STOX2: variants seen among roughly 807,000 people sequenced by gnomAD.
STOX2 encodes the protein storkhead-box protein 2.
A neutral mutation model predicts 60.9 loss-of-function variants in STOX2; 28 were observed. That is an observed-to-expected ratio of 0.46 (90% confidence interval 0.34 to 0.63). The LOEUF (loss-of-function observed/expected upper bound fraction) is 0.63, where lower values mean the gene tolerates loss of function less well. STOX2 is among the 30% of genes least tolerant of loss of function. STOX2 has a pLI of 0.01. For synonymous variants in STOX2, 472 were observed against 463.9 expected, an observed-to-expected ratio of 1.02 and a Z score of -0.22; for missense variants, 1,024 against 1,187.7, an observed-to-expected ratio of 0.86 and a Z score of 2.03.
At chr4:183,886,872 C>T (rs1390094229) in intron 1 of STOX2, among the ~76,000 whole-genome samples, 1 of 152,190 alleles carries the variant, frequency 6.6e-6, no homozygotes, top group Non-Finnish European at 1.5e-5. Flanking sequence ...ACCTTCTACA[C>T]ACGAAGAATA....
chr4:183,996,466 G>A (rs780471024), intron 1 of STOX2, among the ~76,000 whole-genome samples: 3 of 152,120 alleles, frequency 2.0e-5, no homozygotes, highest in Non-Finnish European at 4.4e-5. Flanking sequence ...GTAGATTATC[G>A]TGACCAACAA....
chr4:183,799,395 C>G (rs1379746492), intron 1 of STOX2, among the ~76,000 whole-genome samples: 3 of 152,148 alleles, frequency 2.0e-5, no homozygotes, highest in African/African-American at 4.8e-5. Flanking sequence ...GCTTTTGCCC[C>G]GTAGGACTGT....
intron 1 of STOX2, among the ~76,000 whole-genome samples, chr4:183,914,502 A>G (rs1741874072): frequency 6.6e-6 from 1 of 152,248 alleles, no homozygotes; most frequent in African/African-American, 2.4e-5. Context: ...GGAAGAATGC[A>G]GTAAATGACC....
intron 1 of STOX2, among the ~76,000 whole-genome samples, chr4:183,893,672 T>C (rs2053168): frequency 0.29 from 44,396 of 152,056 alleles, 7,686 homozygotes; most frequent in African/African-American, 0.46. Context: ...CACTATTATT[T>C]TACATATAAA....
At chr4:183,934,866 T>C (rs1379181915) in intron 1 of STOX2, among the ~76,000 whole-genome samples, 1 of 152,234 alleles carries the variant, frequency 6.6e-6, no homozygotes, top group Non-Finnish European at 1.5e-5. Context: ...CACCAGAAAA[T>C]GCAGGAAGCT....
At chr4:183,843,438 G>C (rs1190814877) in intron 1 of STOX2, among the ~76,000 whole-genome samples, 1 of 152,184 alleles carries the variant, frequency 6.6e-6, no homozygotes, top group Non-Finnish European at 1.5e-5. Flanking sequence ...AATGTAGACA[G>C]AAACATTGTG....
intron 1 of STOX2, among the ~76,000 whole-genome samples, chr4:183,807,379 G>A (rs199790949): frequency 2.1e-4 from 20 of 93,740 alleles, no homozygotes; most frequent in Admixed American, 5.6e-4. Context: ...GCAGTCCCCA[G>A]GCCCTTCTGG....
At chr4:183,879,469 C>T (rs1740905543) in intron 1 of STOX2, among the ~76,000 whole-genome samples, 2 of 152,200 alleles carry the variant, frequency 1.3e-5, no homozygotes, top group Admixed American at 6.5e-5. Flanking sequence ...GTTCACAATG[C>T]GGCTGGGCGC....
chr4:183,929,092 A>G (rs1009547904), intron 1 of STOX2, among the ~76,000 whole-genome samples: 1 of 152,244 alleles, frequency 6.6e-6, no homozygotes, highest in Non-Finnish European at 1.5e-5. Flanking sequence ...ATCTTTAAAG[A>G]TACAAGGCAG....
At chr4:183,986,366 G>C (rs1021591697) in intron 1 of STOX2, among the ~76,000 whole-genome samples, 3 of 152,236 alleles carry the variant, frequency 2.0e-5, no homozygotes, top group African/African-American at 7.2e-5. Flanking sequence ...GATAGTCCAG[G>C]ACAGGGAGGA....
At chr4:183,975,010 G>A (rs1234780293) in intron 1 of STOX2, among the ~76,000 whole-genome samples, 1 of 152,040 alleles carries the variant, frequency 6.6e-6, no homozygotes, top group Non-Finnish European at 1.5e-5. Flanking sequence ...TTACCATAAT[G>A]AGATTTAACT....
intron 1 of STOX2, among the ~76,000 whole-genome samples, chr4:183,970,756 T>C (rs1433630182): frequency 6.6e-6 from 1 of 152,238 alleles, no homozygotes; most frequent in Non-Finnish European, 1.5e-5. Context: ...TAAGAAAGTT[T>C]ATCTATTACC....
intron 1 of STOX2, among the ~76,000 whole-genome samples, chr4:183,870,615 T>C (rs905022368): frequency 1.3e-5 from 2 of 152,242 alleles, no homozygotes; most frequent in East Asian, 1.9e-4. Flanking sequence ...TTTATAAAAA[T>C]ATTTATTATA....
In STOX2 at chr4:184,017,284, A is replaced by AT. The variant is rs1027207780; in HGVS notation, c.*2dup. On this transcript the variant is annotated 3_prime_UTR_variant, in exon 4 of 4. Transcript: ENST00000308497. ...TGCAAGCTTCTGTTACTAGCGTGTG[A>AT]TTGTCCTTCTGCCTCAGATCTTCTG... 6.3e-6 allele frequency: 10 copies of AT among 1,586,360 alleles called. No homozygotes were observed. The African/African-American group carries it at 1.3e-4, about 21-fold the overall frequency.
chr4:183,884,322 G>A (rs1398575631), intron 1 of STOX2, among the ~76,000 whole-genome samples: 1 of 148,584 alleles, frequency 6.7e-6, no homozygotes, highest in Non-Finnish European at 1.5e-5. Flanking sequence ...TTTTTTTAGT[G>A]TGAGCAGATG....
intron 1 of STOX2, among the ~76,000 whole-genome samples, chr4:183,863,896 C>A (rs1740506758): frequency 1.3e-5 from 2 of 152,340 alleles, no homozygotes; most frequent in Middle Eastern, 3.4e-3. Context: ...CACAGAACCA[C>A]TGAGCTCTGG....
chr4:183,895,067 T>C (rs774894954), intron 1 of STOX2, among the ~76,000 whole-genome samples: 3 of 151,996 alleles, frequency 2.0e-5, no homozygotes, highest in Non-Finnish European at 4.4e-5. Flanking sequence ...ACGGAGGCAA[T>C]GGAGTGAGGC....
chr4:183,960,743 C>A (rs1743388350), intron 1 of STOX2, among the ~76,000 whole-genome samples: 1 of 152,072 alleles, frequency 6.6e-6, no homozygotes, highest in South Asian at 2.1e-4. Context: ...TTTGCTTGGT[C>A]AGGAGGTTTA....
intron 2 of STOX2, among the ~76,000 whole-genome samples, chr4:184,007,626 A>G (rs1430386784): frequency 1.3e-5 from 2 of 152,324 alleles, no homozygotes; most frequent in African/African-American, 2.4e-5. Flanking sequence ...CTGCTGTAAC[A>G]AAGTGCAGAT....
Sources: gnomAD v4.1 joint callset for allele counts (sites outside exome capture counted in the v4.1 genomes callset) on GRCh38, gnomAD v4.1.1 for gene constraint, MANE v1.5 for transcripts, NCBI Gene and HGNC (gene_info 2026-07-23, HGNC 2026-07-21) for gene names.